RAD51B: variants seen among roughly 807,000 people sequenced by gnomAD.
The protein encoded by RAD51B is RAD51 paralog B, also known as DNA repair protein RAD51 homolog 2.
A neutral mutation model predicts 42.2 loss-of-function variants in RAD51B; 38 were observed. The observed-to-expected ratio is 0.90, with a 90% confidence interval of 0.70 to 1.18. The LOEUF (loss-of-function observed/expected upper bound fraction) is 1.18, where lower values mean the gene tolerates loss of function less well. RAD51B is among the 50% of genes most tolerant of loss of function. The pLI is 0.00. For missense variants in RAD51B, 373 were observed against 400.7 expected, an observed-to-expected ratio of 0.93 and a Z score of 0.59; for synonymous variants, 154 against 145.2, an observed-to-expected ratio of 1.06 and a Z score of -0.43.
intron 10 of RAD51B, among the ~76,000 whole-genome samples, chr14:68,553,971 G>T (rs574634292): frequency 6.6e-6 from 1 of 152,256 alleles, no homozygotes; most frequent in Admixed American, 6.5e-5. Flanking sequence ...TACTTTTAGG[G>T]TATAATAATA....
chr14:68,401,642 A>T (rs1242429472), intron 8 of RAD51B, among the ~76,000 whole-genome samples: 2 of 152,124 alleles, frequency 1.3e-5, no homozygotes, highest in Non-Finnish European at 2.9e-5. Flanking sequence ...CAGCCAAGAG[A>T]CATCAGGAAT....
At chr14:67,869,525 C>T (rs2042448753) in intron 5 of RAD51B, among the ~76,000 whole-genome samples, 1 of 152,124 alleles carries the variant, frequency 6.6e-6, no homozygotes, top group South Asian at 2.1e-4. Context: ...GGATATTATC[C>T]AGGAGAACTT....
chr14:68,509,313 C>G (rs148853493), intron 10 of RAD51B, among the ~76,000 whole-genome samples: 11 of 152,324 alleles, frequency 7.2e-5, no homozygotes, highest in African/African-American at 2.2e-4. Context: ...CTCCCCAGCT[C>G]CCTTCATTAT....
chr14:68,268,441 T>G (rs1386878915), intron 7 of RAD51B, among the ~76,000 whole-genome samples: 2 of 152,244 alleles, frequency 1.3e-5, no homozygotes, highest in Admixed American at 6.5e-5. Flanking sequence ...TTGAGTTTGC[T>G]GAAGTGGATT....
At chr14:68,336,878 G>A (rs1328778803) in intron 8 of RAD51B, among the ~76,000 whole-genome samples, 2 of 152,112 alleles carry the variant, frequency 1.3e-5, no homozygotes, top group African/African-American at 4.8e-5. Flanking sequence ...AAATAATGTA[G>A]TTCTTAAAAG....
At chr14:68,160,238 T>C (rs73288047) in intron 7 of RAD51B, among the ~76,000 whole-genome samples, 2,182 of 152,332 alleles carry the variant, frequency 0.014, 51 homozygotes, top group African/African-American at 0.049. Context: ...CTAAGAAAGA[T>C]CTTAATAATC....
chr14:68,449,966 GT>G (rs2085514839), intron 9 of RAD51B, among the ~76,000 whole-genome samples: 1 of 152,144 alleles, frequency 6.6e-6, no homozygotes, highest in Non-Finnish European at 1.5e-5. Flanking sequence ...CAGAGCTCTA[GT>G]TTACTTCTAA....
chr14:68,667,808 T>G (rs1169677731), intron 11 of RAD51B, among the ~76,000 whole-genome samples: 1 of 152,228 alleles, frequency 6.6e-6, no homozygotes, highest in Non-Finnish European at 1.5e-5. Flanking sequence ...TTTCACTGTT[T>G]GAGGAATTCT....
intron 7 of RAD51B, among the ~76,000 whole-genome samples, chr14:67,988,477 G>GAAAT (rs888786546): frequency 6.6e-6 from 1 of 151,770 alleles, no homozygotes; most frequent in Non-Finnish European, 1.5e-5. Flanking sequence ...AAGAAATAAA[G>GAAAT]AAATAAATAA....
intron 2 of RAD51B, among the ~76,000 whole-genome samples, chr14:67,824,510 A>C (rs2040742918): frequency 6.6e-6 from 1 of 151,622 alleles, no homozygotes; most frequent in South Asian, 2.1e-4. Flanking sequence ...CGCCTCCCTC[A>C]GCCTCCCAAA....
At chr14:67,989,261 A>G (rs1047460816) in intron 7 of RAD51B, among the ~76,000 whole-genome samples, 2 of 152,244 alleles carry the variant, frequency 1.3e-5, no homozygotes, top group African/African-American at 4.8e-5. Context: ...ATAGAATTCC[A>G]TAGAAATTAC....
intron 4 of RAD51B, chr14:67,843,608 A>G (rs183220449): frequency 6.6e-6 from 1 of 152,030 alleles, no homozygotes; most frequent in Admixed American, 6.5e-5. Context: ...CCAGGAATTT[A>G]TGCATTTCTT....
chr14:68,563,584 A>G, intron 10 of RAD51B: 2 of 985,424 alleles, frequency 2.0e-6, no homozygotes, highest in Non-Finnish European at 2.4e-6. Flanking sequence ...GCCTTCAAGC[A>G]CCTTCTGTGG....
chr14:67,981,564 A>G (rs1447631048), intron 7 of RAD51B, among the ~76,000 whole-genome samples: 1 of 152,218 alleles, frequency 6.6e-6, no homozygotes, highest in African/African-American at 2.4e-5. Context: ...CCGCATGTCC[A>G]TCAACAAGTG....
At chr14:67,880,740 G>A (rs2042879612) in intron 5 of RAD51B, among the ~76,000 whole-genome samples, 2 of 151,880 alleles carry the variant, frequency 1.3e-5, no homozygotes, top group Admixed American at 6.6e-5. Flanking sequence ...TTTTCAATTC[G>A]ATGTTAAACA....
At chr14:68,540,589 C>A in intron 10 of RAD51B, 1 of 985,352 alleles carries the variant, frequency 1.0e-6, no homozygotes, top group Non-Finnish European at 1.2e-6. Context: ...GTTCTAGGTG[C>A]TGTGCAAGTA....
chr14:68,019,966 T>C (rs1312133207), intron 7 of RAD51B, among the ~76,000 whole-genome samples: 2 of 152,162 alleles, frequency 1.3e-5, no homozygotes, highest in Non-Finnish European at 2.9e-5. Context: ...TGGCCACAGC[T>C]AACTGCAAGA....
intron 9 of RAD51B, among the ~76,000 whole-genome samples, chr14:68,432,852 T>A (rs1468644297): frequency 6.6e-6 from 1 of 152,248 alleles, no homozygotes; most frequent in Non-Finnish European, 1.5e-5. Flanking sequence ...ATCGATGGTC[T>A]TTACAATTTG....
At chr14:68,409,326 A>G (rs2084360454) in intron 8 of RAD51B, among the ~76,000 whole-genome samples, 1 of 152,230 alleles carries the variant, frequency 6.6e-6, no homozygotes, top group South Asian at 2.1e-4. Context: ...GTGAATTTCA[A>G]GAGAAATGGT....
Sources: allele counts gnomAD v4.1 joint callset (sites outside exome capture counted in the v4.1 genomes callset), GRCh38; gene constraint gnomAD v4.1.1; transcripts MANE v1.5; gene names NCBI Gene and HGNC (gene_info 2026-07-23, HGNC 2026-07-21).